Variants in BBS12 observed in about 807,000 individuals in gnomAD.
BBS12 encodes the protein chaperonin-containing T-complex member BBS12.
In BBS12, 5 loss-of-function variants were observed where a neutral mutation model predicts 5.6. The ratio of observed to expected loss-of-function variants is 0.89; its 90% CI spans 0.46 to 1.86. The LOEUF (loss-of-function observed/expected upper bound fraction) is 1.86, where lower values mean the gene tolerates loss of function less well. Ranked by LOEUF, BBS12 falls within the 40% of genes most tolerant of loss-of-function variation. BBS12 has a pLI of 0.01. For synonymous variants in BBS12, 308 were observed against 306.8 expected, an observed-to-expected ratio of 1.00 and a Z score of -0.04; for missense variants, 748 against 830.4, an observed-to-expected ratio of 0.90 and a Z score of 1.22.
chr4:122,704,272 C>G, the BBS12 span, among the ~76,000 whole-genome samples: 1 of 152,214 alleles, frequency 6.6e-6, no homozygotes, highest in Admixed American at 6.5e-5. Flanking sequence ...GGGGCTTCCC[C>G]ATTCTTACAT....
At chr4:122,707,049 T>TCG in the BBS12 span, among the ~76,000 whole-genome samples, 1 of 98,474 alleles carries the variant, frequency 1.0e-5, no homozygotes, top group Admixed American at 1.1e-4. Context: ...TCTCTCTCTC[T>TCG]CTCTCTTTTT....
At chr4:122,736,018 T>C (rs939497202) in intron 1 of BBS12, among the ~76,000 whole-genome samples, 2 of 152,080 alleles carry the variant, frequency 1.3e-5, no homozygotes, top group African/African-American at 2.4e-5. Flanking sequence ...GGGAAGAGCA[T>C]TCCAGAAAGA....
At position 122,743,235 on chromosome 4, in the gene BBS12, C is replaced by A. The variant is rs778635548; in HGVS notation, c.1343C>A (p.Ala448Asp). ...NGSVMQAFAE[A>D]AGAVQVAYIT... ...AGTGTGATGCAGGCTTTTGCAGAGG[C>A]TGCAGGAGCAGTACAGGTGGCCTAC... Residue 448 changes from alanine to aspartate, a missense_variant, in exon 2 of 2, where the codon GCT becomes GAT. Coordinates refer to ENST00000314218, the MANE Select transcript of BBS12 (RefSeq NM_152618.3). The A allele has an allele frequency of 6.2e-7, 1 of 1,614,026 alleles. No homozygotes were observed. Among genetic ancestry groups the A allele is most frequent in the Non-Finnish European group, 8.5e-7 (1 of 1,180,040 alleles).
At chr4:122,741,833 T>G in intron 1 of BBS12, 50 bp from the exon 2 acceptor site, 1 of 1,480,086 alleles carries the variant, frequency 6.8e-7, no homozygotes, top group Non-Finnish European at 9.3e-7. Context: ...ATAGCATTTA[T>G]AACTATGAAT....
chr4:122,732,077 C>A (rs1034481172), upstream of BBS12: 1 of 152,278 alleles, frequency 6.6e-6, no homozygotes, highest in East Asian at 1.9e-4. Context: ...TGGTTCCAGA[C>A]CCATCAATAT....
rs1364630126 is a variant in BBS12, at chr4:122,733,353, A to G, written c.-11+469A>G. On this transcript the variant is annotated intron_variant, in intron 1 of 1. Coordinates refer to ENST00000314218, the MANE Select transcript of BBS12 (RefSeq NM_152618.3). ...GACTTTGGCCCCACCCATAATTACT[A>G]TCGGACCCCGCCCTCCAACCCCAAC... Among the ~76,000 whole-genome samples the G allele has an allele frequency of 2.1e-5, 3 of 142,338 alleles. No homozygotes were observed. The Admixed American group carries it at 2.1e-4, about 10-fold the overall frequency. 93.4% of individuals were successfully genotyped at this position (142,338 alleles called of 152,430 possible).
At chr4:122,737,593 C>G (rs1800801755) in intron 1 of BBS12, among the ~76,000 whole-genome samples, 1 of 152,192 alleles carries the variant, frequency 6.6e-6, no homozygotes, top group Admixed American at 6.5e-5. Flanking sequence ...AAAAGTCAAT[C>G]TTTTCAAGCT....
intron 1 of BBS12, among the ~76,000 whole-genome samples, chr4:122,741,061 T>C (rs991534526): frequency 1.3e-5 from 2 of 152,236 alleles, no homozygotes; most frequent in African/African-American, 4.8e-5. Context: ...TAAAAACATT[T>C]TAACGGTTCC....
chr4:122,737,192 C>G (rs116194241), intron 1 of BBS12, among the ~76,000 whole-genome samples: 1 of 151,958 alleles, frequency 6.6e-6, no homozygotes, highest in South Asian at 2.1e-4. Context: ...AAGCAGAGAC[C>G]CTGATACATG....
chr4:122,731,333 A>G (rs1302234732), upstream of BBS12: 1 of 152,196 alleles, frequency 6.6e-6, no homozygotes, highest in African/African-American at 2.4e-5. Context: ...CATTCTCTCT[A>G]TCCTGCAATA....
the BBS12 span, among the ~76,000 whole-genome samples, chr4:122,716,054 G>A: frequency 6.6e-6 from 1 of 152,140 alleles, no homozygotes; most frequent in Admixed American, 6.5e-5. Context: ...CTCTACATTA[G>A]AAACCCCAAG....
the BBS12 span, among the ~76,000 whole-genome samples, chr4:122,701,953 T>G: frequency 6.6e-6 from 1 of 152,198 alleles, no homozygotes; most frequent in African/African-American, 2.4e-5. Flanking sequence ...CCATCTCTGC[T>G]TCCTGTCCGC....
At chr4:122,717,680 C>G in the BBS12 span, among the ~76,000 whole-genome samples, 3 of 152,172 alleles carry the variant, frequency 2.0e-5, no homozygotes, top group African/African-American at 7.2e-5. Context: ...CAGCTGTGCA[C>G]CACCGTGCCC....
chr4:122,718,954 G>A, the BBS12 span, among the ~76,000 whole-genome samples: 1 of 151,962 alleles, frequency 6.6e-6, no homozygotes, highest in Non-Finnish European at 1.5e-5. Context: ...CGAGTAGCTG[G>A]GACTACAGGC....
At chr4:122,716,754 T>A in the BBS12 span, among the ~76,000 whole-genome samples, 1 of 150,410 alleles carries the variant, frequency 6.6e-6, no homozygotes. Context: ...TGTATATATA[T>A]AATTTCCCTG....
rs1553941612 is a variant in BBS12, at chr4:122,743,929, A to G, written c.2037A>G (p.Leu679=). ...AGGCGTGGCGCCGAGCATTGGATTTAGTATTGTTAGTACTTCAGACAGACA... is the reference window on the plus strand; with the variant it reads ...AGGCGTGGCGCCGAGCATTGGATTTGGTATTGTTAGTACTTCAGACAGACA... ...KIEAWRRALD[L]VLLVLQTDSE... Residue 679 remains leucine (L), a synonymous_variant, in exon 2 of 2, where the codon TTA becomes TTG. Transcript: ENST00000314218. The G allele has an allele frequency of 5.0e-6, 8 of 1,610,232 alleles. No homozygotes were observed. The highest frequency in any genetic ancestry group is 4.5e-5 in the East Asian group (2 of 44,866).
the BBS12 span, among the ~76,000 whole-genome samples, chr4:122,708,840 A>T: frequency 6.6e-6 from 1 of 150,720 alleles, no homozygotes; most frequent in Non-Finnish European, 1.5e-5. Context: ...AATAATTTTT[A>T]AAAATCATAC....
chr4:122,732,394 CAGA>C (rs1190578289), upstream of BBS12: 50 of 152,276 alleles, frequency 3.3e-4, no homozygotes, highest in African/African-American at 1.2e-3. Flanking sequence ...CCGGCCCCAG[CAGA>C]AGGTTACAGC....
At chr4:122,717,737 C>G in the BBS12 span, among the ~76,000 whole-genome samples, 1 of 152,060 alleles carries the variant, frequency 6.6e-6, no homozygotes, top group Non-Finnish European at 1.5e-5. Flanking sequence ...ACTGCTCAGG[C>G]TGGTCTTGAA....
Sources: allele counts gnomAD v4.1 joint callset (sites outside exome capture counted in the v4.1 genomes callset), GRCh38; gene constraint gnomAD v4.1.1; transcripts MANE v1.5; gene names NCBI Gene and HGNC (gene_info 2026-07-23, HGNC 2026-07-21).